Variants in PRKN observed in about 807,000 individuals in gnomAD.
PRKN encodes parkin RBR E3 ubiquitin protein ligase.
A neutral mutation model predicts 59.5 loss-of-function variants in PRKN; 56 were observed. That is an observed-to-expected ratio of 0.94 (90% CI 0.76 to 1.18). The LOEUF (loss-of-function observed/expected upper bound fraction) is 1.18. PRKN is among the 50% of genes most tolerant of loss of function. PRKN has a pLI of 0.00. For synonymous variants in PRKN, 250 were observed against 222.1 expected, an observed-to-expected ratio of 1.13 and a Z score of -1.12; for missense variants, 657 against 596.4, an observed-to-expected ratio of 1.10 and a Z score of -1.06.
Position 161,701,529 on chromosome 6 carries a change from A to G in PRKN, c.871+84243T>C, listed in dbSNP as rs142432196. Among the ~76,000 whole-genome samples, 1,262 of 152,348 alleles carry G rather than the reference A, an allele frequency of 8.3e-3. 14 individuals are homozygous for G. The highest frequency in any genetic ancestry group is 0.029 in the African/African-American group (1,211 of 41,574). On this transcript the variant is annotated intron_variant, in intron 7 of 11. Transcript: ENST00000366898. ...AGTAACCATAAGAAATGGATTTTTC[A>G]GTTACATCATCTGTAGTTTTTACAT...
At chr6:162,331,789 T>C (rs1380096927) in intron 2 of PRKN, among the ~76,000 whole-genome samples, 2 of 152,186 alleles carry the variant, frequency 1.3e-5, no homozygotes, top group African/African-American at 4.8e-5. Context: ...TGACCTGGCA[T>C]TTTCTTTCTT....
intron 6 of PRKN, among the ~76,000 whole-genome samples, chr6:161,964,080 G>A (rs1459931496): frequency 7.2e-5 from 11 of 151,984 alleles, no homozygotes; most frequent in Admixed American, 4.6e-4. Context: ...CTTGCTTTTC[G>A]CTGTACAGAG....
intron 7 of PRKN, among the ~76,000 whole-genome samples, chr6:161,598,892 A>G (rs1782013175): frequency 6.6e-6 from 1 of 152,234 alleles, no homozygotes; most frequent in Non-Finnish European, 1.5e-5. Context: ...ATTTGGGAAT[A>G]AAATCTTTGT....
At chr6:162,692,401 C>T (rs1480619658) in intron 1 of PRKN, among the ~76,000 whole-genome samples, 1 of 152,114 alleles carries the variant, frequency 6.6e-6, no homozygotes, top group East Asian at 1.9e-4. Flanking sequence ...CTACCTGGGG[C>T]CTTGGGCCAC....
chr6:161,628,264 C>T (rs994116735), intron 7 of PRKN, among the ~76,000 whole-genome samples: 34 of 152,172 alleles, frequency 2.2e-4, no homozygotes, highest in African/African-American at 8.0e-4. Context: ...TAACAAGATA[C>T]TATAGACTGG....
At chr6:162,267,723 G>C (rs1322636228) in intron 2 of PRKN, among the ~76,000 whole-genome samples, 1 of 152,198 alleles carries the variant, frequency 6.6e-6, no homozygotes, top group Non-Finnish European at 1.5e-5. Context: ...ACCCATGGGA[G>C]ACTGAGGGAT....
intron 5 of PRKN, among the ~76,000 whole-genome samples, chr6:161,986,758 C>A (rs921764494): frequency 2.2e-4 from 32 of 147,278 alleles, no homozygotes; most frequent in African/African-American, 5.8e-4. Context: ...AAATCCCCCC[C>A]ACTCCCTGGA....
intron 9 of PRKN, among the ~76,000 whole-genome samples, chr6:161,493,650 C>T (rs34666752): frequency 0.097 from 14,723 of 152,204 alleles, 743 homozygotes; most frequent in South Asian, 0.13. Flanking sequence ...CAGAAAGGGC[C>T]GATGAGGGAG....
At chr6:162,149,851 T>C (rs1300915494) in intron 4 of PRKN, among the ~76,000 whole-genome samples, 1 of 152,166 alleles carries the variant, frequency 6.6e-6, no homozygotes, top group African/African-American at 2.4e-5. Flanking sequence ...GAAATGATAC[T>C]GATGAAGCAA....
intron 2 of PRKN, among the ~76,000 whole-genome samples, chr6:162,291,699 C>T (rs139289472): frequency 3.3e-5 from 5 of 152,202 alleles, no homozygotes; most frequent in African/African-American, 1.2e-4. Flanking sequence ...TTTAACAGAG[C>T]CCCTTTTCAT....
In PRKN at chr6:161,371,478, T is replaced by G. The variant is rs1785442354; in HGVS notation, c.1168-11273A>C. Among the ~76,000 whole-genome samples the G allele has an allele frequency of 7.2e-6, 1 of 138,388 alleles. No homozygotes were observed. Among genetic ancestry groups the G allele is most frequent in the Non-Finnish European group, 1.6e-5 (1 of 61,462 alleles). 90.8% of individuals were successfully genotyped at this position (138,388 alleles called of 152,430 possible). ...CTGCGCCCGGCCTATTTTGTTATTT[T>G]TTTTAAGAGAAATCATCAGAGTGTT... On this transcript the variant is annotated intron_variant, in intron 10 of 11. Transcript: ENST00000366898. This position sits in a 1 kb window ranked among gnomAD's most constrained non-coding sequence, Gnocchi z 5.5.
chr6:161,740,129 T>C (rs1322685315), intron 7 of PRKN, among the ~76,000 whole-genome samples: 1 of 152,236 alleles, frequency 6.6e-6, no homozygotes, highest in Admixed American at 6.5e-5. Flanking sequence ...TGATACAATT[T>C]CTGCCCAAAG....
At chr6:162,236,698 G>A (rs758474728) in intron 3 of PRKN, among the ~76,000 whole-genome samples, 1 of 152,088 alleles carries the variant, frequency 6.6e-6, no homozygotes, top group Non-Finnish European at 1.5e-5. Flanking sequence ...AGGAGGCTAA[G>A]GCAGGAGCAT....
chr6:162,368,095 C>T (rs1450591551), intron 2 of PRKN, among the ~76,000 whole-genome samples: 1 of 152,172 alleles, frequency 6.6e-6, no homozygotes, highest in Non-Finnish European at 1.5e-5. Flanking sequence ...GTCACAGGAA[C>T]TCGCTGGCAA....
Position 161,377,375 on chromosome 6 carries a change from C to T in PRKN, c.1167+9419G>A, listed in dbSNP as rs111280411. ...CCACACCGTGGCATGACTGCCTCTCCTTGGGCTCACAACCATGGCCCCACG... is the reference window on the plus strand; with the variant it reads ...CCACACCGTGGCATGACTGCCTCTCTTTGGGCTCACAACCATGGCCCCACG... On this transcript the variant is annotated intron_variant, in intron 10 of 11. Transcript: ENST00000366898. This position sits in a 1 kb window ranked among gnomAD's most constrained non-coding sequence, Gnocchi z 4.2. 4.6e-3 allele frequency among the ~76,000 whole-genome samples: 696 copies of T among 152,388 alleles called. 5 individuals carry two copies. The highest frequency in any genetic ancestry group is 0.016 in the African/African-American group (664 of 41,594).
intron 2 of PRKN, among the ~76,000 whole-genome samples, chr6:162,440,664 A>T (rs1397714735): frequency 6.6e-6 from 1 of 152,100 alleles, no homozygotes; most frequent in Non-Finnish European, 1.5e-5. Context: ...AAGCATAGAC[A>T]CCACCCCAGC....
At chr6:161,415,222 G>A (rs1787782791) in intron 9 of PRKN, among the ~76,000 whole-genome samples, 1 of 152,112 alleles carries the variant, frequency 6.6e-6, no homozygotes, top group Admixed American at 6.5e-5. Flanking sequence ...CCGTGTCCGC[G>A]AGGAACCATT....
chr6:161,591,026 G>T (rs1562545823), intron 7 of PRKN, among the ~76,000 whole-genome samples: 1 of 152,046 alleles, frequency 6.6e-6, no homozygotes, highest in African/African-American at 2.4e-5. Flanking sequence ...TCCTGACTTC[G>T]ATCATTATAC....
intron 2 of PRKN, among the ~76,000 whole-genome samples, chr6:162,294,258 C>T (rs876596): frequency 0.07 from 10,597 of 152,106 alleles, 1,040 homozygotes; most frequent in East Asian, 0.49. Context: ...TGTTTCCTGG[C>T]CCCATTCTCC....
Sources: allele counts gnomAD v4.1 joint callset (sites outside exome capture counted in the v4.1 genomes callset), GRCh38; gene constraint gnomAD v4.1.1; non-coding constraint Gnocchi (gnomAD v3.1); transcripts MANE v1.5; gene names NCBI Gene and HGNC (gene_info 2026-07-23, HGNC 2026-07-21).